Variants in RAB2A observed in about 807,000 individuals in gnomAD.
RAB2A encodes the protein ras-related protein Rab-2A.
RAB2A carries 7 observed loss-of-function variants against 32.5 expected under a neutral mutation model. That is an observed-to-expected ratio of 0.22 (90% CI 0.12 to 0.40). The LOEUF (loss-of-function observed/expected upper bound fraction) is 0.40, where lower values mean the gene tolerates loss of function less well. Among genes scored for constraint, RAB2A ranks in the 10% least tolerant of loss-of-function variants. RAB2A has a pLI of 1.00. For missense variants in RAB2A, 108 were observed against 260.7 expected (o/e 0.41, Z 4.03); for synonymous variants, 79 against 85.2 (o/e 0.93, Z 0.40).
At chr8:60,529,377 T>G (rs1223144640) in intron 1 of RAB2A, among the ~76,000 whole-genome samples, 1 of 152,190 alleles carries the variant, frequency 6.6e-6, no homozygotes, top group African/African-American at 2.4e-5. Context: ...TTTTGACCTT[T>G]GGGGAGAGAT....
chr8:60,560,970 C>T (rs114907110), intron 2 of RAB2A, among the ~76,000 whole-genome samples: 130 of 152,274 alleles, frequency 8.5e-4, no homozygotes, highest in African/African-American at 2.9e-3. Flanking sequence ...TAATGGCAGG[C>T]ACTGGGAAAT....
At chr8:60,531,342 G>A (rs1010355461) in intron 1 of RAB2A, among the ~76,000 whole-genome samples, 4 of 152,200 alleles carry the variant, frequency 2.6e-5, no homozygotes, top group African/African-American at 9.7e-5. Context: ...TGTGGTGTCT[G>A]TACTGTTTAC....
At chr8:60,531,969 ATT>A (rs990269309) in intron 1 of RAB2A, among the ~76,000 whole-genome samples, 6 of 151,674 alleles carry the variant, frequency 4.0e-5, no homozygotes, top group African/African-American at 1.5e-4. Flanking sequence ...CGCCCAACTA[ATT>A]TTTTTGTATT....
chr8:60,544,911 T>G (rs1239314436), intron 1 of RAB2A, among the ~76,000 whole-genome samples: 2 of 152,048 alleles, frequency 1.3e-5, no homozygotes, highest in Non-Finnish European at 2.9e-5. Flanking sequence ...AATGGCTAGT[T>G]TTTTTGTATT....
chr8:60,600,454 A>G (rs551454488), intron 6 of RAB2A, among the ~76,000 whole-genome samples: 1 of 152,380 alleles, frequency 6.6e-6, no homozygotes, highest in Admixed American at 6.5e-5. Flanking sequence ...CTTACGTTGC[A>G]TGTGGGAATG....
chr8:60,608,350 C>T (rs1804271534), intron 6 of RAB2A, among the ~76,000 whole-genome samples: 1 of 151,834 alleles, frequency 6.6e-6, no homozygotes, highest in Non-Finnish European at 1.5e-5. Flanking sequence ...CTTAAACAGT[C>T]CTTTGGGAAT....
intron 1 of RAB2A, among the ~76,000 whole-genome samples, chr8:60,527,162 G>A (rs1807405280): frequency 1.3e-5 from 2 of 151,798 alleles, no homozygotes; most frequent in Non-Finnish European, 2.9e-5. Flanking sequence ...AGAGTGAAGG[G>A]GGAAGTGCTA....
chr8:60,545,427 A>C (rs998506285), intron 1 of RAB2A, among the ~76,000 whole-genome samples: 6 of 151,842 alleles, frequency 4.0e-5, no homozygotes, highest in Admixed American at 1.3e-4. Context: ...CAAGTAGCTG[A>C]GACTACTGCC....
intron 1 of RAB2A, 128 bp downstream of exon 1, chr8:60,517,381 A>G (rs1807222852): frequency 1.4e-5 from 13 of 901,738 alleles, no homozygotes; most frequent in South Asian, 2.4e-5. Context: ...GCGCCGCTCC[A>G]TTTCCGCAGT....
intron 1 of RAB2A, among the ~76,000 whole-genome samples, chr8:60,555,441 A>G (rs1342183149): frequency 2.0e-5 from 3 of 152,362 alleles, no homozygotes; most frequent in East Asian, 3.8e-4. Context: ...TGAAAACACA[A>G]CTTTTAGAAT....
At chr8:60,539,330 A>G (rs1313839784) in intron 1 of RAB2A, among the ~76,000 whole-genome samples, 1 of 152,250 alleles carries the variant, frequency 6.6e-6, no homozygotes, top group Non-Finnish European at 1.5e-5. Context: ...AGGTACTGGG[A>G]AAGGAAAAAG....
chr8:60,606,712 A>G (rs966959179), intron 6 of RAB2A, among the ~76,000 whole-genome samples: 1 of 152,348 alleles, frequency 6.6e-6, no homozygotes, highest in East Asian at 1.9e-4. Context: ...GAAAATCTGG[A>G]TTAAGTAAAA....
chr8:60,540,206 C>T (rs1807618342), intron 1 of RAB2A, among the ~76,000 whole-genome samples: 1 of 150,340 alleles, frequency 6.7e-6, no homozygotes. Context: ...GTCTTTTTCT[C>T]ATCCATTCCT....
At chr8:60,557,181 G>A (rs1247321993) in intron 1 of RAB2A, among the ~76,000 whole-genome samples, 2 of 152,106 alleles carry the variant, frequency 1.3e-5, no homozygotes, top group Non-Finnish European at 2.9e-5. Flanking sequence ...CACATGTTTT[G>A]AAATTCCAGT....
At chr8:60,546,940 G>C (rs868033997) in intron 1 of RAB2A, among the ~76,000 whole-genome samples, 3 of 131,978 alleles carry the variant, frequency 2.3e-5, no homozygotes, top group Non-Finnish European at 4.7e-5. Context: ...GGTGTTTCTC[G>C]CAGAGGGGGA....
At chr8:60,547,848 C>A (rs1425291193) in intron 1 of RAB2A, among the ~76,000 whole-genome samples, 1 of 119,954 alleles carries the variant, frequency 8.3e-6, no homozygotes, top group African/African-American at 3.5e-5. Context: ...CCCCACCTCC[C>A]TCCTGGACGG....
chr8:60,526,056 T>TATA (rs1372267520), intron 1 of RAB2A, among the ~76,000 whole-genome samples: 2,786 of 125,496 alleles, frequency 0.022, 95 homozygotes, highest in South Asian at 0.058. Flanking sequence ...TATATATATA[T>TATA]AAGTTTTCTG....
intron 6 of RAB2A, among the ~76,000 whole-genome samples, chr8:60,600,323 A>G (rs550070964): frequency 1.5e-4 from 23 of 152,304 alleles, no homozygotes; most frequent in African/African-American, 5.5e-4. Flanking sequence ...CCCTGTCTCA[A>G]AAAAGAAAGA....
chr8:60,597,351 C>G (rs1804045867), intron 6 of RAB2A, among the ~76,000 whole-genome samples: 1 of 152,174 alleles, frequency 6.6e-6, no homozygotes, highest in Non-Finnish European at 1.5e-5. Context: ...AAATAGAAAA[C>G]CAAACACCGC....
Sources: allele counts gnomAD v4.1 joint callset (sites outside exome capture counted in the v4.1 genomes callset), GRCh38; gene constraint gnomAD v4.1.1; transcripts MANE v1.5; gene names NCBI Gene and HGNC (gene_info 2026-07-23, HGNC 2026-07-21).